RALA: variants seen among roughly 807,000 people sequenced by gnomAD.
The protein encoded by RALA is RAS like proto-oncogene A.
RALA carries 5 observed loss-of-function variants against 24.0 expected under a neutral mutation model. That is an observed-to-expected ratio of 0.21 (90% CI 0.11 to 0.44). RALA has a LOEUF of 0.44. Ranked by LOEUF, RALA falls within the 20% of genes least tolerant of loss-of-function variation. The pLI is 0.99. For synonymous variants in RALA, 77 were observed against 83.8 expected (o/e 0.92, Z 0.44); for missense variants, 95 against 241.2 (o/e 0.39, Z 4.01).
At chr7:39,657,192 C>G (rs1467632341) in intron 1 of RALA, among the ~76,000 whole-genome samples, 2 of 152,116 alleles carry the variant, frequency 1.3e-5, no homozygotes, top group East Asian at 3.9e-4. Flanking sequence ...TCTTGAACTG[C>G]TGACCTCAGG....
intron 3 of RALA, among the ~76,000 whole-genome samples, chr7:39,694,797 A>C (rs7811097): frequency 1 from 151,769 of 152,152 alleles, 75,695 homozygotes; most frequent in Middle Eastern, 1. Flanking sequence ...AATCCCAGCA[A>C]TTTGGGAGGC....
Position 39,684,723 on chromosome 7 carries a change from A to AG in RALA, c.-37-1908_-37-1907insG, listed in dbSNP as rs1377292134. Among the ~76,000 whole-genome samples the AG allele has an allele frequency of 9.2e-5, 14 of 151,782 alleles. 1 individual carries two copies. Among genetic ancestry groups the AG allele is most frequent in the African/African-American group, 2.7e-4 (11 of 41,334 alleles). On this transcript the variant is annotated intron_variant, in intron 1 of 4. Coordinates refer to ENST00000005257, the MANE Select transcript of RALA (RefSeq NM_005402.4). ...GATAGCTGATGAGCTAAAAAAAAAA[A>AG]AAAAAGAAAAAAAAAAGTTGCATAA... is the stretch of plus-strand genomic sequence containing the variant.
At chr7:39,625,355 C>T (rs1238104977) in intron 1 of RALA, among the ~76,000 whole-genome samples, 1 of 152,212 alleles carries the variant, frequency 6.6e-6, no homozygotes, top group Non-Finnish European at 1.5e-5. Flanking sequence ...ATGCTTACTA[C>T]TTGAGCATAT....
In RALA at chr7:39,656,890, A is replaced by G. The variant is rs976771199; in HGVS notation, c.-37-29741A>G. ...TGATGTCACATCTGACTACCCTGGC[A>G]TGGATATATAGAATCTCTTGGATCA... On this transcript the variant is annotated intron_variant, in intron 1 of 4. Coordinates refer to ENST00000005257, the MANE Select transcript of RALA (RefSeq NM_005402.4). 5.3e-5 allele frequency among the ~76,000 whole-genome samples: 8 copies of G among 152,216 alleles called. No individual in the cohort carries two copies. The East Asian group carries it at 1.5e-3, about 29-fold the overall frequency.
intron 1 of RALA, among the ~76,000 whole-genome samples, chr7:39,649,102 A>G (rs1019715372): frequency 1.3e-5 from 2 of 152,178 alleles, no homozygotes; most frequent in African/African-American, 2.4e-5. Flanking sequence ...AGTGTGAGCA[A>G]CCTAAAGAAT....
chr7:39,636,044 A>G (rs1221079798), intron 1 of RALA, among the ~76,000 whole-genome samples: 2 of 152,154 alleles, frequency 1.3e-5, no homozygotes, highest in Non-Finnish European at 2.9e-5. Context: ...GCAATACTTC[A>G]TTTGTTCTAA....
chr7:39,705,758 A>G (rs1366427445), intron 4 of RALA, among the ~76,000 whole-genome samples: 2 of 151,652 alleles, frequency 1.3e-5, no homozygotes, highest in African/African-American at 4.8e-5. Flanking sequence ...AATATAAATT[A>G]ATAAAATACA....
intron 1 of RALA, among the ~76,000 whole-genome samples, chr7:39,626,387 A>G (rs1367554919): frequency 6.6e-6 from 1 of 152,182 alleles, no homozygotes; most frequent in African/African-American, 2.4e-5. Flanking sequence ...TTTGAAAGTA[A>G]CAATTGCTGA....
chr7:39,648,963 G>C (rs560594804), intron 1 of RALA, among the ~76,000 whole-genome samples: 1 of 152,340 alleles, frequency 6.6e-6, no homozygotes, highest in Admixed American at 6.5e-5. Flanking sequence ...GGAGGCTTGA[G>C]GTGGGAGGAT....
intron 1 of RALA, among the ~76,000 whole-genome samples, chr7:39,679,876 A>C (rs941816096): frequency 6.6e-6 from 1 of 151,840 alleles, no homozygotes; most frequent in African/African-American, 2.4e-5. Context: ...ATGCCTGGCT[A>C]ATTTTTATAT....
chr7:39,636,730 T>G (rs930944042), intron 1 of RALA, among the ~76,000 whole-genome samples: 5 of 152,216 alleles, frequency 3.3e-5, no homozygotes, highest in Admixed American at 1.3e-4. Flanking sequence ...TTTAATTGAC[T>G]CAGAGTTCTG....
At chr7:39,674,675 A>G (rs916460672) in intron 1 of RALA, among the ~76,000 whole-genome samples, 19 of 152,154 alleles carry the variant, frequency 1.2e-4, no homozygotes. Context: ...TGGGACCAGA[A>G]GTGTTTCAAG....
At chr7:39,626,276 A>G (rs1791484322) in intron 1 of RALA, among the ~76,000 whole-genome samples, 1 of 152,232 alleles carries the variant, frequency 6.6e-6, no homozygotes, top group Non-Finnish European at 1.5e-5. Flanking sequence ...TAATCTCCAC[A>G]ACACTTCTGC....
rs1275172601 is a variant in RALA at position 39,699,219 on chromosome 7, C to T, written c.498+2360C>T. ...GCAGTGGCGCAATCTCGGCTCACTG[C>T]AAGCTCTGCTTCCCGGGTTCACGCC... is the stretch of plus-strand genomic sequence containing the variant. On this transcript the variant is annotated intron_variant, in intron 4 of 4. Transcript: ENST00000005257. Among the ~76,000 whole-genome samples, 10 of 139,134 alleles carry T rather than the reference C, an allele frequency of 7.2e-5. 1 individual carries two copies. Among genetic ancestry groups the T allele is most frequent in the Admixed American group, 6.9e-4 (9 of 12,978 alleles). The allele number at this position is 139,134 out of a possible 152,430, so 91.3% of individuals were successfully genotyped here.
chr7:39,643,522 A>G (rs1433617995), intron 1 of RALA, among the ~76,000 whole-genome samples: 2 of 152,088 alleles, frequency 1.3e-5, no homozygotes, highest in Non-Finnish European at 2.9e-5. Flanking sequence ...GGAGTTCGAG[A>G]CTAGCCTGGC....
chr7:39,652,404 G>T (rs1007106023), intron 1 of RALA, among the ~76,000 whole-genome samples: 2 of 152,276 alleles, frequency 1.3e-5, no homozygotes, highest in African/African-American at 4.8e-5. Flanking sequence ...AGTAATAATT[G>T]TAGGTATAAG....
chr7:39,701,410 C>T (rs1378134916), intron 4 of RALA, among the ~76,000 whole-genome samples: 6 of 152,142 alleles, frequency 3.9e-5, no homozygotes. Context: ...ACTTGGGAGG[C>T]TGAGACAGGA....
chr7:39,633,002 T>A (rs988676124), intron 1 of RALA, among the ~76,000 whole-genome samples: 1 of 152,090 alleles, frequency 6.6e-6, no homozygotes, highest in African/African-American at 2.4e-5. Flanking sequence ...TTTTCTGGAT[T>A]TCATTTTGTT....
chr7:39,627,563 G>A (rs1427292854), intron 1 of RALA, among the ~76,000 whole-genome samples: 1 of 152,146 alleles, frequency 6.6e-6, no homozygotes, highest in Non-Finnish European at 1.5e-5. Context: ...ATTATAAAAT[G>A]GCGTATACTC....
Sources: gnomAD v4.1 joint callset for allele counts (sites outside exome capture counted in the v4.1 genomes callset) on GRCh38, gnomAD v4.1.1 for gene constraint, MANE v1.5 for transcripts, NCBI Gene and HGNC (gene_info 2026-07-23, HGNC 2026-07-21) for gene names.